USP39: variants seen among roughly 807,000 people sequenced by gnomAD.
The protein encoded by USP39 is ubiquitin carboxyl-terminal hydrolase 39.
USP39 carries 38 observed loss-of-function variants against 66.4 expected under a neutral mutation model. That is an observed-to-expected ratio of 0.57 (90% CI 0.44 to 0.75). The LOEUF is 0.75. Ranked by LOEUF, USP39 falls within the 30% of genes least tolerant of loss-of-function variation. The pLI is 0.00. For synonymous variants in USP39, 303 were observed against 274.6 expected, an observed-to-expected ratio of 1.10 and a Z score of -1.02; for missense variants, 608 against 714.4, an observed-to-expected ratio of 0.85 and a Z score of 1.70.
At chr2:85,623,361 A>G (rs962108533) in intron 3 of USP39, among the ~76,000 whole-genome samples, 6 of 149,274 alleles carry the variant, frequency 4.0e-5, no homozygotes, top group African/African-American at 9.8e-5. Context: ...ATAGATATAT[A>G]TATAGGTTAT....
intron 6 of USP39, among the ~76,000 whole-genome samples, chr2:85,634,776 A>G (rs771426112): frequency 1.3e-5 from 2 of 152,070 alleles, no homozygotes; most frequent in Non-Finnish European, 2.9e-5. Context: ...GTTGAGAATG[A>G]TTTTTTTGTG....
At chr2:85,623,608 T>C (rs759419908) in intron 3 of USP39, 38 bp from the exon 4 acceptor site, 1 of 1,599,388 alleles carries the variant, frequency 6.3e-7, no homozygotes, top group East Asian at 2.3e-5. Flanking sequence ...TGTTCTAGTA[T>C]CTGCCCTTCT....
At chr2:85,622,287 A>T (rs1018966566) in intron 3 of USP39, among the ~76,000 whole-genome samples, 1 of 150,658 alleles carries the variant, frequency 6.6e-6, no homozygotes, top group African/African-American at 2.4e-5. Context: ...ACACCCGGCT[A>T]ATTTTAGTAT....
At chr2:85,624,097 T>C (rs1674665300) in intron 4 of USP39, among the ~76,000 whole-genome samples, 1 of 152,218 alleles carries the variant, frequency 6.6e-6, no homozygotes, top group Admixed American at 6.5e-5. Context: ...GGGATATGAA[T>C]TGGTCCTGGT....
intron 4 of USP39, among the ~76,000 whole-genome samples, chr2:85,624,310 G>T (rs1002312975): frequency 6.6e-6 from 1 of 151,724 alleles, no homozygotes; most frequent in African/African-American, 2.4e-5. Context: ...TTTTCAGCAC[G>T]TGGGGTGTAT....
upstream of USP39, chr2:85,609,654 C>G (rs1225522586): frequency 4.4e-6 from 7 of 1,574,200 alleles, no homozygotes; most frequent in Non-Finnish European, 6.1e-6. Flanking sequence ...CATAGAGATG[C>G]TGCAGGAAAA....
chr2:85,616,834 C>T (rs1297759818), intron 1 of USP39, among the ~76,000 whole-genome samples: 2 of 151,668 alleles, frequency 1.3e-5, no homozygotes, highest in Admixed American at 6.6e-5. Context: ...CCCACCACCG[C>T]TCCCGCCACC....
At position 85,639,108 on chromosome 2, in the gene USP39, A is replaced by G. The variant is rs1676024368; in HGVS notation, c.1096-95A>G. 3 of 1,268,024 alleles carry G rather than the reference A, an allele frequency of 2.4e-6. No homozygotes were observed. In the African/African-American group the frequency reaches 4.5e-5, roughly 19 times the overall value. The allele number at this position is 1,268,024 out of a possible 1,614,324, so 78.5% of individuals were successfully genotyped here. On this transcript the variant is annotated intron_variant, in intron 8 of 12. Transcript: ENST00000323701. ...CGGGCACTTCTCTTTGTTCTTTCAG[A>G]TGAAGGAAATGTCGGCGTGGTAAAA...
At chr2:85,621,421 T>G (rs554972452) in intron 2 of USP39, 64 bp from the exon 3 acceptor site, 49 of 1,416,110 alleles carry the variant, frequency 3.5e-5, no homozygotes, top group Non-Finnish European at 4.9e-5. Context: ...GAGCCAGCAC[T>G]GCTTCATTTG....
intron 1 of USP39, among the ~76,000 whole-genome samples, chr2:85,603,623 G>A (rs1262789016): frequency 1.4e-5 from 2 of 144,582 alleles, no homozygotes; most frequent in African/African-American, 2.6e-5. Context: ...ACGGAGTCTC[G>A]CTCTGTCGCC....
Position 85,638,414 on chromosome 2 carries a change from A to G in USP39, c.1096-789A>G, listed in dbSNP as rs537710275. ...GGTGGCGTGATTATGGTTCACTGCAACCTCAACCTCCCTTGCTGAAGTGAT... is the reference window on the plus strand; with the variant it reads ...GGTGGCGTGATTATGGTTCACTGCAGCCTCAACCTCCCTTGCTGAAGTGAT... On this transcript the variant is annotated intron_variant, in intron 8 of 12. Coordinates refer to ENST00000323701, the MANE Select transcript of USP39 (RefSeq NM_006590.4). Among the ~76,000 whole-genome samples the G allele has an allele frequency of 3.0e-4, 45 of 151,948 alleles. No homozygotes were observed. In the East Asian group the frequency reaches 8.1e-3, roughly 27 times the overall value.
chr2:85,625,389 C>G, intron 4 of USP39, 150 bp from the exon 5 acceptor site: 1 of 937,102 alleles, frequency 1.1e-6, no homozygotes. Flanking sequence ...CGTGTTACTT[C>G]AATCTTTACA....
At chr2:85,611,802 C>A, upstream of USP39, 1 of 1,609,852 alleles carries the variant, frequency 6.2e-7, no homozygotes, top group Non-Finnish European at 8.5e-7. Flanking sequence ...GGGAGCCGAG[C>A]GGGAGTCAGG....
Position 85,638,615 on chromosome 2 carries a change from C to T in USP39, c.1096-588C>T, listed in dbSNP as rs374849328. Among the ~76,000 whole-genome samples, 81 of 151,798 alleles carry T rather than the reference C, an allele frequency of 5.3e-4. 2 individuals are homozygous for T. The South Asian group carries it at 0.011, about 21-fold the overall frequency. On this transcript the variant is annotated intron_variant, in intron 8 of 12. Coordinates refer to ENST00000323701, the MANE Select transcript of USP39 (RefSeq NM_006590.4). ...GTGCAATGGCACTATCTCGGCTCAC[C>T]GCAACCTCCGCCTCCCGAGTTCAGG...
chr2:85,637,999 C>T lies in USP39; in HGVS notation c.1095+563C>T, dbSNP rs188074883. On this transcript the variant is annotated intron_variant, in intron 8 of 12. Coordinates refer to ENST00000323701, the MANE Select transcript of USP39 (RefSeq NM_006590.4). ...GGCGTGAGTCACCGTGCCTGGCCCT[C>T]AGCTAAGCTTCCTAGATGGTCTTAG... Among the ~76,000 whole-genome samples, 473 of 151,706 alleles carry T rather than the reference C, an allele frequency of 3.1e-3. 3 individuals are homozygous for T. The highest frequency in any genetic ancestry group is 0.02 in the South Asian group (95 of 4,788).
upstream of USP39, among the ~76,000 whole-genome samples, chr2:85,615,789 C>G (rs1673877753): frequency 6.6e-6 from 1 of 152,190 alleles, no homozygotes; most frequent in South Asian, 2.1e-4. Context: ...CGCCACAATG[C>G]CGGGCTAATT....
intron 6 of USP39, among the ~76,000 whole-genome samples, chr2:85,631,349 T>C (rs1469368360): frequency 1.4e-5 from 2 of 144,362 alleles, no homozygotes; most frequent in Admixed American, 7.1e-5. Flanking sequence ...ACAGTCTTGC[T>C]CTTTTGACCA....
chr2:85,631,898 G>A (rs1301802749), intron 6 of USP39, among the ~76,000 whole-genome samples: 1 of 151,834 alleles, frequency 6.6e-6, no homozygotes, highest in Non-Finnish European at 1.5e-5. Flanking sequence ...ACAGGTGCCC[G>A]CCAACATGCC....
chr2:85,611,126 G>T, upstream of USP39: 1 of 400,796 alleles, frequency 2.5e-6, no homozygotes, highest in Non-Finnish European at 3.6e-6. Flanking sequence ...TGTGGTCCCA[G>T]GTACTCGGGA....
Sources: gnomAD v4.1 joint callset for allele counts (sites outside exome capture counted in the v4.1 genomes callset) on GRCh38, gnomAD v4.1.1 for gene constraint, MANE v1.5 for transcripts, NCBI Gene and HGNC (gene_info 2026-07-23, HGNC 2026-07-21) for gene names.